GUCY1A2: variants seen among roughly 807,000 people sequenced by gnomAD.
GUCY1A2 encodes guanylate cyclase 1 soluble subunit alpha 2.
In GUCY1A2, 27 loss-of-function variants were observed where a neutral mutation model predicts 63.5. The ratio of observed to expected loss-of-function variants is 0.43; its 90% CI spans 0.31 to 0.59. GUCY1A2 has a LOEUF of 0.59. GUCY1A2 is among the 20% of genes least tolerant of loss of function. The probability of loss-of-function intolerance (pLI) is 0.11; values close to 1 mark genes in which losing one functional copy is unlikely to be tolerated. For missense variants in GUCY1A2, 768 were observed against 913.3 expected, an observed-to-expected ratio of 0.84 and a Z score of 2.05; for synonymous variants, 364 against 343.5, an observed-to-expected ratio of 1.06 and a Z score of -0.66.
intron 6 of GUCY1A2, among the ~76,000 whole-genome samples, chr11:106,744,149 C>T (rs1211804735): frequency 6.6e-6 from 1 of 151,624 alleles, no homozygotes; most frequent in African/African-American, 2.4e-5. Context: ...GAAAAGAGTA[C>T]TGAAAACAAG....
intron 1 of GUCY1A2, among the ~76,000 whole-genome samples, chr11:107,003,977 T>C (rs183509190): frequency 3.7e-4 from 56 of 152,110 alleles, no homozygotes; most frequent in Non-Finnish European, 5.9e-5. Flanking sequence ...GATCTCAGAG[T>C]TGCCTAAATT....
chr11:106,942,366 A>G (rs1860763010), intron 3 of GUCY1A2, among the ~76,000 whole-genome samples: 1 of 152,230 alleles, frequency 6.6e-6, no homozygotes, highest in African/African-American at 2.4e-5. Context: ...TCCTTACATC[A>G]CCATCACTAT....
At chr11:107,014,528 T>C (rs1861793471) in intron 1 of GUCY1A2, among the ~76,000 whole-genome samples, 1 of 152,162 alleles carries the variant, frequency 6.6e-6, no homozygotes, top group South Asian at 2.1e-4. Context: ...ATTCTGGAAT[T>C]TTTTTTCAAT....
intron 4 of GUCY1A2, among the ~76,000 whole-genome samples, chr11:106,862,390 T>TATCAGC (rs1033236483): frequency 6.6e-6 from 1 of 151,852 alleles, no homozygotes; most frequent in African/African-American, 2.4e-5. Flanking sequence ...TGGTAGCTGA[T>TATCAGC]ATCATCATCA....
At chr11:106,857,831 C>T (rs531774164) in intron 4 of GUCY1A2, among the ~76,000 whole-genome samples, 1 of 152,142 alleles carries the variant, frequency 6.6e-6, no homozygotes, top group African/African-American at 2.4e-5. Context: ...TTAAAATATA[C>T]ACGAGGATAT....
intron 4 of GUCY1A2, among the ~76,000 whole-genome samples, chr11:106,892,365 C>A (rs1394559362): frequency 6.6e-6 from 1 of 151,964 alleles, no homozygotes; most frequent in African/African-American, 2.4e-5. Flanking sequence ...AATATATTTG[C>A]GGTCATCATC....
At chr11:106,900,932 G>A (rs1391103838) in intron 4 of GUCY1A2, among the ~76,000 whole-genome samples, 3 of 152,310 alleles carry the variant, frequency 2.0e-5, no homozygotes, top group Non-Finnish European at 2.9e-5. Flanking sequence ...TGATCAGAGG[G>A]TTGTTGCTGA....
chr11:106,828,023 C>T, intron 4 of GUCY1A2: 5 of 647,112 alleles, frequency 7.7e-6, no homozygotes, highest in Non-Finnish European at 1.4e-5. Context: ...GGTGCTCGGG[C>T]CCTTTGCCCA....
chr11:106,834,384 A>G (rs908363446), intron 4 of GUCY1A2, among the ~76,000 whole-genome samples: 1 of 152,018 alleles, frequency 6.6e-6, no homozygotes. Flanking sequence ...TACTAATACA[A>G]TATTTTACGT....
chr11:106,764,979 G>GGGA (rs57851237), intron 6 of GUCY1A2, among the ~76,000 whole-genome samples: 1 of 81,470 alleles, frequency 1.2e-5, no homozygotes, highest in African/African-American at 4.5e-5. Flanking sequence ...TTGGGGGGGG[G>GGGA]TTGGGGGGCA....
chr11:106,705,122 C>A (rs1363592802), intron 7 of GUCY1A2, among the ~76,000 whole-genome samples: 1 of 151,852 alleles, frequency 6.6e-6, no homozygotes, highest in African/African-American at 2.4e-5. Context: ...CAGGAACAAA[C>A]TTTGTGATAA....
At chr11:106,834,270 C>T (rs1054548839) in intron 4 of GUCY1A2, among the ~76,000 whole-genome samples, 1 of 151,964 alleles carries the variant, frequency 6.6e-6, no homozygotes, top group Non-Finnish European at 1.5e-5. Flanking sequence ...ATGTATTAGC[C>T]TTTTTGCAGT....
chr11:106,827,511 T>C (rs1338763837), intron 4 of GUCY1A2: 2 of 1,467,056 alleles, frequency 1.4e-6, no homozygotes, highest in Admixed American at 1.7e-5. Context: ...GGATTCCTAA[T>C]ACATAAGGAT....
chr11:107,017,377 A>C (rs1236986447), intron 1 of GUCY1A2, among the ~76,000 whole-genome samples: 2 of 152,142 alleles, frequency 1.3e-5, no homozygotes, highest in Non-Finnish European at 2.9e-5. Context: ...AAGACAGGGA[A>C]GCTGAACTGC....
intron 4 of GUCY1A2, among the ~76,000 whole-genome samples, chr11:106,830,013 C>T (rs538211767): frequency 5.3e-5 from 8 of 152,278 alleles, no homozygotes; most frequent in African/African-American, 1.4e-4. Context: ...ATACCAGCTA[C>T]GACCATATGA....
At chr11:106,730,087 T>TATATATATATATATAC (rs1863476028) in intron 6 of GUCY1A2, among the ~76,000 whole-genome samples, 1 of 133,004 alleles carries the variant, frequency 7.5e-6, no homozygotes, top group Non-Finnish European at 1.7e-5. Context: ...TATATATATA[T>TATATATATATATATAC]ATATATATTA....
intron 4 of GUCY1A2, among the ~76,000 whole-genome samples, chr11:106,909,597 G>C (rs1860264565): frequency 6.6e-6 from 1 of 151,562 alleles, no homozygotes; most frequent in Non-Finnish European, 1.5e-5. Context: ...TATATAAATT[G>C]AGTCATACAG....
At chr11:106,962,844 G>T (rs146308670) in intron 3 of GUCY1A2, among the ~76,000 whole-genome samples, 2 of 150,624 alleles carry the variant, frequency 1.3e-5, no homozygotes, top group African/African-American at 2.4e-5. Flanking sequence ...TTTTGAAACT[G>T]ATCTTTTGTC....
At chr11:106,740,238 G>A (rs1047130277) in intron 6 of GUCY1A2, among the ~76,000 whole-genome samples, 1 of 151,798 alleles carries the variant, frequency 6.6e-6, no homozygotes, top group African/African-American at 2.4e-5. Flanking sequence ...CACCTCAGGT[G>A]ACCCACGTGC....
Sources: gnomAD v4.1 joint callset for allele counts (sites outside exome capture counted in the v4.1 genomes callset) on GRCh38, gnomAD v4.1.1 for gene constraint, MANE v1.5 for transcripts, NCBI Gene and HGNC (gene_info 2026-07-23, HGNC 2026-07-21) for gene names.